Variants in LINGO2 observed in about 807,000 individuals in gnomAD.
LINGO2 encodes leucine-rich repeat and immunoglobulin-like domain-containing nogo receptor-interacting protein 2.
A neutral mutation model predicts 30.6 loss-of-function variants in LINGO2; 14 were observed. The observed-to-expected ratio is 0.46, with a 90% CI of 0.30 to 0.72. The LOEUF (loss-of-function observed/expected upper bound fraction) is 0.72, where lower values mean the gene tolerates loss of function less well. LINGO2 is among the 30% of genes least tolerant of loss of function. The pLI is 0.07. For synonymous variants in LINGO2, 317 were observed against 288.5 expected, an observed-to-expected ratio of 1.10 and a Z score of -1.00; for missense variants, 729 against 751.7, an observed-to-expected ratio of 0.97 and a Z score of 0.35.
At chr9:28,250,171 T>G (rs1454101548) in intron 4 of LINGO2, among the ~76,000 whole-genome samples, 1 of 152,194 alleles carries the variant, frequency 6.6e-6, no homozygotes, top group African/African-American at 2.4e-5. Context: ...TGGATGTTAG[T>G]CACATCCTTC....
At chr9:28,398,184 A>G (rs1168144474) in intron 2 of LINGO2, among the ~76,000 whole-genome samples, 1 of 152,212 alleles carries the variant, frequency 6.6e-6, no homozygotes, top group Admixed American at 6.5e-5. Context: ...TGTGGAGGTC[A>G]GACTATTTAA....
At chr9:29,048,521 T>G in the LINGO2 span, among the ~76,000 whole-genome samples, 3 of 152,072 alleles carry the variant, frequency 2.0e-5, no homozygotes, top group African/African-American at 4.8e-5. Context: ...AAAGCTATCC[T>G]GAACAAAAAG....
At chr9:28,526,055 C>CAAAAAAAAGAAAAA (rs1821020799) in intron 1 of LINGO2, among the ~76,000 whole-genome samples, 1 of 48,516 alleles carries the variant, frequency 2.1e-5, no homozygotes, top group Non-Finnish European at 3.7e-5. Context: ...GACTCCGTCT[C>CAAAAAAAAGAAAAA]AAAAAAAAAA....
chr9:28,726,477 GA>G, the LINGO2 span, among the ~76,000 whole-genome samples: 1 of 151,754 alleles, frequency 6.6e-6, no homozygotes, highest in African/African-American at 2.4e-5. Flanking sequence ...TAAATATGAA[GA>G]AAAAAATAAA....
intron 3 of LINGO2, among the ~76,000 whole-genome samples, chr9:28,364,197 A>G (rs926597238): frequency 1.3e-5 from 2 of 152,196 alleles, no homozygotes; most frequent in Non-Finnish European, 1.5e-5. Flanking sequence ...ATGATTAGAC[A>G]TAACAGTTTG....
the LINGO2 span, among the ~76,000 whole-genome samples, chr9:29,166,007 T>C: frequency 3.9e-4 from 59 of 152,258 alleles, no homozygotes; most frequent in African/African-American, 1.3e-3. Flanking sequence ...TGTGTACATA[T>C]GTATATCAAG....
the LINGO2 span, among the ~76,000 whole-genome samples, chr9:29,131,419 G>C: frequency 6.6e-6 from 1 of 151,980 alleles, no homozygotes. Flanking sequence ...AGTCCAGCTT[G>C]GGCAAAGGAC....
chr9:28,076,929 ATTGT>A (rs1825641532), intron 4 of LINGO2, among the ~76,000 whole-genome samples: 2 of 152,092 alleles, frequency 1.3e-5, no homozygotes, highest in Non-Finnish European at 2.9e-5. Flanking sequence ...CTATTATTTC[ATTGT>A]TTGTTCTGGT....
chr9:28,384,521 G>C (rs1045666389), intron 2 of LINGO2, among the ~76,000 whole-genome samples: 1 of 151,188 alleles, frequency 6.6e-6, no homozygotes, highest in Non-Finnish European at 1.5e-5. Flanking sequence ...AGTAATAATT[G>C]TCTACCCTTT....
At chr9:28,993,313 C>T in the LINGO2 span, among the ~76,000 whole-genome samples, 3 of 152,010 alleles carry the variant, frequency 2.0e-5, no homozygotes, top group Non-Finnish European at 4.4e-5. Context: ...AAGACTAAAC[C>T]AGGAAAAAGT....
intron 2 of LINGO2, among the ~76,000 whole-genome samples, chr9:28,427,924 A>G (rs10491889): frequency 0.13 from 19,320 of 152,106 alleles, 1,429 homozygotes; most frequent in East Asian, 0.24. Context: ...ACTTTCTTCA[A>G]TTGAGACCCT....
chr9:29,135,589 CCAAA>C, the LINGO2 span, among the ~76,000 whole-genome samples: 3 of 151,374 alleles, frequency 2.0e-5, no homozygotes, highest in Non-Finnish European at 4.4e-5. Context: ...AGATTGTCTT[CCAAA>C]CAGATTCCAA....
At chr9:28,172,287 A>G (rs904042306) in intron 4 of LINGO2, among the ~76,000 whole-genome samples, 1 of 146,864 alleles carries the variant, frequency 6.8e-6, no homozygotes, top group African/African-American at 2.5e-5. Context: ...GCTACTTGGG[A>G]GGCTGAGGCA....
At chr9:28,917,942 C>G in the LINGO2 span, among the ~76,000 whole-genome samples, 1 of 152,002 alleles carries the variant, frequency 6.6e-6, no homozygotes, top group Non-Finnish European at 1.5e-5. Context: ...TTAGGCATAT[C>G]TGCTGTGACA....
chr9:28,623,971 T>C (rs1826535088), intron 1 of LINGO2, among the ~76,000 whole-genome samples: 1 of 152,078 alleles, frequency 6.6e-6, no homozygotes, highest in Non-Finnish European at 1.5e-5. Flanking sequence ...AAATTTCTTT[T>C]TCACATTGTT....
At chr9:28,014,525 A>C (rs1320841519) in intron 4 of LINGO2, among the ~76,000 whole-genome samples, 1 of 152,224 alleles carries the variant, frequency 6.6e-6, no homozygotes, top group African/African-American at 2.4e-5. Context: ...AGCAACTTCC[A>C]ACTGATACAC....
chr9:28,312,239 T>A (rs1331246064), intron 3 of LINGO2, among the ~76,000 whole-genome samples: 2 of 151,648 alleles, frequency 1.3e-5, no homozygotes, highest in East Asian at 3.9e-4. Flanking sequence ...ATATTTCAAA[T>A]GGCCAGCTCA....
chr9:27,976,308 A>G lies in LINGO2; in HGVS notation c.-35-25602T>C, dbSNP rs375812181. ...AATGTTGCCTTAGATTAGGGTTCTCAAAGTATGGGGCCCCCAAAATCTGTG... is the reference window on the plus strand; with the variant it reads ...AATGTTGCCTTAGATTAGGGTTCTCGAAGTATGGGGCCCCCAAAATCTGTG... On this transcript the variant is annotated intron_variant, in intron 5 of 5. Transcript: ENST00000379992. Among the ~76,000 whole-genome samples the G allele has an allele frequency of 3.9e-5, 6 of 152,082 alleles. No homozygotes were observed. The East Asian group carries it at 5.8e-4, about 15-fold the overall frequency.
the LINGO2 span, among the ~76,000 whole-genome samples, chr9:28,885,428 C>CATATACAT: frequency 6.8e-6 from 1 of 146,106 alleles, no homozygotes; most frequent in Non-Finnish European, 1.5e-5. Context: ...TATACACACA[C>CATATACAT]ATATACATAT....
Sources: allele counts gnomAD v4.1 joint callset (sites outside exome capture counted in the v4.1 genomes callset), GRCh38; gene constraint gnomAD v4.1.1; transcripts MANE v1.5; gene names NCBI Gene and HGNC (gene_info 2026-07-23, HGNC 2026-07-21).